Variants in PHLDB2 observed in about 807,000 individuals in gnomAD.
PHLDB2 encodes the protein pleckstrin homology like domain family B member 2, also known as pleckstrin homology-like domain family B member 2.
A neutral mutation model predicts 123.6 loss-of-function variants in PHLDB2; 71 were observed. The ratio of observed to expected loss-of-function variants is 0.57; its 90% CI spans 0.47 to 0.70. PHLDB2 has a LOEUF of 0.70. Among genes scored for constraint, PHLDB2 ranks in the 30% least tolerant of loss-of-function variants. The probability of loss-of-function intolerance (pLI) is 0.00; values close to 1 mark genes in which losing one functional copy is unlikely to be tolerated. For missense variants in PHLDB2, 1,446 were observed against 1,519.5 expected (o/e 0.95, Z 0.80); for synonymous variants, 547 against 541.6 (o/e 1.01, Z -0.14).
chr3:111,963,809 G>T (rs2071576170), intron 13 of PHLDB2, among the ~76,000 whole-genome samples: 1 of 152,120 alleles, frequency 6.6e-6, no homozygotes. Context: ...AGATTTTTTA[G>T]TTTTTTACTC....
chr3:111,844,259 C>T (rs1398907745), intron 1 of PHLDB2, among the ~76,000 whole-genome samples: 1 of 152,170 alleles, frequency 6.6e-6, no homozygotes, highest in Non-Finnish European at 1.5e-5. Flanking sequence ...ACAAACTTGT[C>T]TTGATCTGCA....
At chr3:111,734,414 C>T (rs977347255) in intron 1 of PHLDB2, among the ~76,000 whole-genome samples, 5 of 152,134 alleles carry the variant, frequency 3.3e-5, no homozygotes, top group African/African-American at 1.2e-4. Flanking sequence ...TCTGTCTCTA[C>T]AAAAAATTTT....
intron 1 of PHLDB2, among the ~76,000 whole-genome samples, chr3:111,874,259 C>T (rs947526892): frequency 6.6e-6 from 1 of 152,190 alleles, no homozygotes; most frequent in African/African-American, 2.4e-5. Context: ...GGATTCGCCC[C>T]ACTCTGTGTT....
At chr3:111,859,670 G>C in intron 1 of PHLDB2, 94 bp downstream of exon 1, 1 of 985,426 alleles carries the variant, frequency 1.0e-6, no homozygotes, top group African/African-American at 1.7e-5. Context: ...CCCCGCGGCC[G>C]AGTTGGTTGC....
chr3:111,959,386 A>G (rs1577198076), intron 12 of PHLDB2, among the ~76,000 whole-genome samples: 1 of 152,368 alleles, frequency 6.6e-6, no homozygotes, highest in East Asian at 1.9e-4. Context: ...GAGTAGCTCC[A>G]TGAGGTGAAC....
intron 1 of PHLDB2, among the ~76,000 whole-genome samples, chr3:111,876,502 T>C (rs1325500757): frequency 6.6e-6 from 1 of 152,184 alleles, no homozygotes; most frequent in Non-Finnish European, 1.5e-5. Flanking sequence ...TGATATACTA[T>C]ATTCTTATAA....
chr3:111,947,072 T>C (rs1443077), intron 9 of PHLDB2, among the ~76,000 whole-genome samples: 42,114 of 152,046 alleles, frequency 0.28, 7,105 homozygotes, highest in East Asian at 0.65. Context: ...AAGTAGATGG[T>C]AAGCACCTTT....
chr3:111,941,505 A>C (rs2069881879), intron 8 of PHLDB2, among the ~76,000 whole-genome samples: 2 of 152,184 alleles, frequency 1.3e-5, no homozygotes, highest in Non-Finnish European at 2.9e-5. Flanking sequence ...TAGCTATTTT[A>C]GGTTAAGAGG....
chr3:111,812,491 G>C (rs548047154), intron 1 of PHLDB2, among the ~76,000 whole-genome samples: 1 of 152,212 alleles, frequency 6.6e-6, no homozygotes, highest in Non-Finnish European at 1.5e-5. Flanking sequence ...TTTTCATGGA[G>C]TTTCTCAACT....
chr3:111,951,361 G>A (rs935955478), intron 10 of PHLDB2, among the ~76,000 whole-genome samples: 14 of 152,058 alleles, frequency 9.2e-5, no homozygotes, highest in African/African-American at 2.9e-4. Context: ...ATGAGATAAC[G>A]TATATAAACC....
At chr3:111,872,648 C>T (rs936117608) in intron 1 of PHLDB2, among the ~76,000 whole-genome samples, 7 of 152,198 alleles carry the variant, frequency 4.6e-5, no homozygotes, top group African/African-American at 1.4e-4. Context: ...AAATACACGA[C>T]TGATGACTGG....
At chr3:111,865,059 A>G (rs2065001814) in intron 1 of PHLDB2, among the ~76,000 whole-genome samples, 1 of 152,248 alleles carries the variant, frequency 6.6e-6, no homozygotes, top group South Asian at 2.1e-4. Context: ...GATAAAGGCA[A>G]AAGAAACCCA....
chr3:111,813,013 G>A (rs1040149402), intron 1 of PHLDB2, among the ~76,000 whole-genome samples: 8 of 152,160 alleles, frequency 5.3e-5, no homozygotes, highest in Admixed American at 3.9e-4. Context: ...TAGAAGCTCC[G>A]CTAAAGAAGA....
Position 111,869,970 on chromosome 3 carries a change from G to T in PHLDB2, c.-15+10394G>T, listed in dbSNP as rs140466762. On this transcript the variant is annotated intron_variant, in intron 1 of 17. Coordinates refer to ENST00000431670, the MANE Select transcript of PHLDB2 (RefSeq NM_001134438.2). Reference sequence around the variant, plus strand: ...TGAGTGACAAAGAACATGGTGCAAAGGAAGAGGAGTTGGAATCCATTTGCT... The same window carrying T: ...TGAGTGACAAAGAACATGGTGCAAATGAAGAGGAGTTGGAATCCATTTGCT... Among the ~76,000 whole-genome samples the T allele has an allele frequency of 3.6e-3, 544 of 152,330 alleles. 9 individuals carry two copies. The highest frequency in any genetic ancestry group is 9.1e-4 in the Non-Finnish European group (62 of 68,030).
chr3:111,878,477 A>G lies in PHLDB2; in HGVS notation c.-14-5587A>G, dbSNP rs548327244. On this transcript the variant is annotated intron_variant, in intron 1 of 17. Transcript: ENST00000431670. ...GCTGAGACGATGGGGTTTTCTAAAT[A>G]TACAATCATGTCATCTGCAAACAGA... Among the ~76,000 whole-genome samples, 3 of 152,336 alleles carry G rather than the reference A, an allele frequency of 2.0e-5. No individual in the cohort carries two copies. In the South Asian group the frequency reaches 6.2e-4, roughly 32 times the overall value.
At chr3:111,758,161 A>G (rs1240750534) in intron 1 of PHLDB2, among the ~76,000 whole-genome samples, 1 of 151,992 alleles carries the variant, frequency 6.6e-6, no homozygotes, top group Non-Finnish European at 1.5e-5. Flanking sequence ...TTAACTCTGC[A>G]GAGGTTACTG....
intron 1 of PHLDB2, among the ~76,000 whole-genome samples, chr3:111,871,880 A>C (rs2065358095): frequency 6.6e-6 from 1 of 152,202 alleles, no homozygotes; most frequent in Non-Finnish European, 1.5e-5. Context: ...CTCCCAAAGA[A>C]CTTTTAAAAA....
rs141504836 is a variant in PHLDB2, at chr3:111,949,020, C to G, written c.2576C>G (p.Ala859Gly). ...ACTCAGTTTCCTGCTGATGCTGATG[C>G]TGTTGCCACTGAGCCTGCCACAGCT... ...PSTQFPADAD[A>G]VATEPATAVL... The change falls in exon 10 of 18, where the codon GCT (alanine) becomes GGT (glycine). Residue 859 changes from alanine (A) to glycine (G), a missense_variant. Ala to Gly is a moderately conservative substitution (Grantham distance 60). Around this residue, in one of 3 missense-constraint regions of PHLDB2, gnomAD observed 594 missense variants for 646.0 expected, o/e 0.92. Transcript: ENST00000431670. 2.7e-4 allele frequency: 432 copies of G among 1,613,886 alleles called. No individual in the cohort carries two copies. Among genetic ancestry groups the G allele is most frequent in the Non-Finnish European group, 3.5e-4 (417 of 1,179,956 alleles).
At chr3:111,834,162 A>G (rs1450426045) in intron 1 of PHLDB2, among the ~76,000 whole-genome samples, 12 of 126,094 alleles carry the variant, frequency 9.5e-5, no homozygotes, top group Admixed American at 6.9e-4. Flanking sequence ...TATATATTAT[A>G]TATGTAATAG....
Sources: allele counts gnomAD v4.1 joint callset (sites outside exome capture counted in the v4.1 genomes callset), GRCh38; gene constraint gnomAD v4.1.1; regional missense constraint gnomAD v4.1.1; transcripts MANE v1.5; gene names NCBI Gene and HGNC (gene_info 2026-07-23, HGNC 2026-07-21).